ZBTB20: variants seen among roughly 807,000 people sequenced by gnomAD.
ZBTB20 encodes the protein zinc finger and BTB domain-containing protein 20.
A neutral mutation model predicts 56.9 loss-of-function variants in ZBTB20; 9 were observed. The observed-to-expected ratio is 0.16, with a 90% CI of 0.10 to 0.28. ZBTB20 has a LOEUF of 0.28. Among genes scored for constraint, ZBTB20 ranks in the 10% least tolerant of loss-of-function variants. The pLI is 1.00. For missense variants in ZBTB20, 655 were observed against 1,003.0 expected, an observed-to-expected ratio of 0.65 and a Z score of 4.69; for synonymous variants, 417 against 420.7, an observed-to-expected ratio of 0.99 and a Z score of 0.11.
At chr3:115,061,243 T>TA (rs2108476894) in intron 2 of ZBTB20, among the ~76,000 whole-genome samples, 1 of 152,306 alleles carries the variant, frequency 6.6e-6, no homozygotes, top group African/African-American at 2.4e-5. Flanking sequence ...ACCTACTGCC[T>TA]ACTGCTAAAA....
chr3:114,957,043 AGGCTTTATGCCTGGACTGCT>A (rs1462193144), intron 3 of ZBTB20, among the ~76,000 whole-genome samples: 5 of 152,206 alleles, frequency 3.3e-5, no homozygotes, highest in Non-Finnish European at 5.9e-5. Context: ...GGTGGCAGTT[AGGCTTTATGCCTGGACTGCT>A]GGCATACAGG....
chr3:114,561,033 C>T lies in ZBTB20; in HGVS notation c.-294-60642G>A, dbSNP rs114405861. On this transcript the variant is annotated intron_variant, in intron 6 of 11. Transcript: ENST00000675478. Reference sequence around the variant, plus strand: ...CAGAATCTTTACCAGGAGTAGATTCCATCTCAAGAAACTCACTGCTTTGCT... The same window carrying T: ...CAGAATCTTTACCAGGAGTAGATTCTATCTCAAGAAACTCACTGCTTTGCT... Among the ~76,000 whole-genome samples the T allele has an allele frequency of 3.3e-3, 508 of 152,206 alleles. 3 individuals are homozygous for T. The highest frequency in any genetic ancestry group is 0.011 in the African/African-American group (460 of 41,528).
intron 6 of ZBTB20, among the ~76,000 whole-genome samples, chr3:114,657,513 T>A (rs2060481118): frequency 6.6e-6 from 1 of 152,218 alleles, no homozygotes; most frequent in Non-Finnish European, 1.5e-5. Flanking sequence ...GCCAGAATGT[T>A]AGGGTAACTT....
chr3:114,340,230 G>A (rs2079655332), intron 11 of ZBTB20, among the ~76,000 whole-genome samples: 1 of 151,944 alleles, frequency 6.6e-6, no homozygotes, highest in Non-Finnish European at 1.5e-5. Flanking sequence ...ATCACCAAAT[G>A]CCTCTGAGGT....
chr3:114,422,130 T>C (rs149755495), intron 7 of ZBTB20, among the ~76,000 whole-genome samples: 1 of 152,316 alleles, frequency 6.6e-6, no homozygotes, highest in South Asian at 2.1e-4. Flanking sequence ...CACTACGGCA[T>C]GATAGAGGGT....
At chr3:114,925,142 C>A (rs966538911) in intron 3 of ZBTB20, among the ~76,000 whole-genome samples, 1 of 151,812 alleles carries the variant, frequency 6.6e-6, no homozygotes, top group Non-Finnish European at 1.5e-5. Flanking sequence ...TGCCACCACA[C>A]CCAGCTAATT....
At chr3:114,510,026 G>C (rs1017035876) in intron 6 of ZBTB20, among the ~76,000 whole-genome samples, 2 of 152,062 alleles carry the variant, frequency 1.3e-5, no homozygotes, top group African/African-American at 2.4e-5. Flanking sequence ...CAGGGAACCC[G>C]CAGCAGTCTG....
At chr3:114,856,000 GAAAAACACCCTGAGGTGGGATTTAC>G (rs1401342437) in intron 4 of ZBTB20, among the ~76,000 whole-genome samples, 1 of 152,114 alleles carries the variant, frequency 6.6e-6, no homozygotes, top group East Asian at 1.9e-4. Flanking sequence ...TATAGAGAGT[GAAAAACACCCTGAGGTGGGATTTAC>G]AAGTCTTAAT....
At chr3:115,064,443 CTTTT>C (rs34098178) in intron 2 of ZBTB20, among the ~76,000 whole-genome samples, 2 of 78,070 alleles carry the variant, frequency 2.6e-5, no homozygotes, top group African/African-American at 1.1e-4. Context: ...TCTCATAATT[CTTTT>C]TTTTTTTTTT....
chr3:114,748,404 C>A (rs1452311096), intron 5 of ZBTB20, among the ~76,000 whole-genome samples: 1 of 106,294 alleles, frequency 9.4e-6, no homozygotes, highest in South Asian at 3.5e-4. Context: ...TTTGTTGTAG[C>A]TTCCTCTTTC....
At chr3:114,550,582 A>G (rs549511264) in intron 6 of ZBTB20, among the ~76,000 whole-genome samples, 1 of 152,154 alleles carries the variant, frequency 6.6e-6, no homozygotes, top group South Asian at 2.1e-4. Flanking sequence ...TCTGTAAATA[A>G]TGCTTTTTGG....
chr3:114,586,989 C>CTTTTTT (rs1195918426), intron 6 of ZBTB20, among the ~76,000 whole-genome samples: 22 of 77,006 alleles, frequency 2.9e-4, no homozygotes, highest in Middle Eastern at 0.011. Flanking sequence ...GTATAACTCC[C>CTTTTTT]TTTTTTTTTT....
At chr3:115,027,179 A>G (rs2080461181) in intron 2 of ZBTB20, among the ~76,000 whole-genome samples, 1 of 151,008 alleles carries the variant, frequency 6.6e-6, no homozygotes, top group Admixed American at 6.6e-5. Context: ...GTCTCTGAAT[A>G]TTTCTACAAA....
intron 7 of ZBTB20, among the ~76,000 whole-genome samples, chr3:114,436,828 G>A (rs762469112): frequency 2.0e-5 from 3 of 152,100 alleles, no homozygotes; most frequent in Non-Finnish European, 4.4e-5. Context: ...CTGGGTGATT[G>A]AGCCAGACTT....
intron 7 of ZBTB20, among the ~76,000 whole-genome samples, chr3:114,422,970 T>G (rs2089322377): frequency 6.6e-6 from 1 of 152,168 alleles, no homozygotes; most frequent in Non-Finnish European, 1.5e-5. Flanking sequence ...GAAGGCAACA[T>G]GGAAAGGGTA....
chr3:114,626,916 T>A (rs998414180), intron 6 of ZBTB20, among the ~76,000 whole-genome samples: 1 of 152,210 alleles, frequency 6.6e-6, no homozygotes, highest in Admixed American at 6.5e-5. Context: ...CAGCAGTGAT[T>A]ACTGTGTAAC....
rs566142514 is a variant in ZBTB20 at position 115,007,090 on chromosome 3, C to T, written c.-506-32674G>A. ...ATAGTTCTATCTATATTTCTTTCTA[C>T]TTCTCATTGTGCAAAGTCTGTTCTT... On this transcript the variant is annotated intron_variant, in intron 2 of 11. Transcript: ENST00000675478. 4.6e-5 allele frequency among the ~76,000 whole-genome samples: 7 copies of T among 151,844 alleles called. No homozygotes were observed. In the South Asian group the frequency reaches 1.5e-3, roughly 32 times the overall value.
At chr3:114,854,429 G>A (rs1359634570) in intron 4 of ZBTB20, among the ~76,000 whole-genome samples, 1 of 152,144 alleles carries the variant, frequency 6.6e-6, no homozygotes, top group Admixed American at 6.5e-5. Context: ...ATTGCCATCA[G>A]TGAGTCTGCC....
intron 1 of ZBTB20, among the ~76,000 whole-genome samples, chr3:115,090,740 T>C (rs916061185): frequency 6.6e-6 from 1 of 151,836 alleles, no homozygotes; most frequent in Non-Finnish European, 1.5e-5. Context: ...ATTAACTTAA[T>C]TAATCCTTAC....
Sources: gnomAD v4.1 joint callset for allele counts (sites outside exome capture counted in the v4.1 genomes callset) on GRCh38, gnomAD v4.1.1 for gene constraint, MANE v1.5 for transcripts, NCBI Gene and HGNC (gene_info 2026-07-23, HGNC 2026-07-21) for gene names.